The following MYO7B variants were observed in gnomAD, a reference collection of about 807,000 sequenced individuals.
MYO7B encodes unconventional myosin-VIIb.
In MYO7B, 212 loss-of-function variants were observed where a neutral mutation model predicts 259.7. That is an observed-to-expected ratio of 0.82 (90% confidence interval 0.73 to 0.91). The LOEUF (loss-of-function observed/expected upper bound fraction) is 0.91. Among genes scored for constraint, MYO7B ranks in the 40% least tolerant of loss-of-function variants. The pLI is 0.00. For missense variants in MYO7B, 2,732 were observed against 2,813.5 expected (o/e 0.97, Z 0.66); for synonymous variants, 1,197 against 1,166.4 (o/e 1.03, Z -0.54).
chr2:127,625,001 T>G (rs1041847978), intron 30 of MYO7B, among the ~76,000 whole-genome samples: 16 of 152,302 alleles, frequency 1.1e-4, no homozygotes, highest in African/African-American at 3.8e-4. Context: ...CCTTGGGTGC[T>G]GCCCAGCTGG....
intron 40 of MYO7B, 115 bp from the exon 41 acceptor site, chr2:127,634,061 C>G: frequency 1.2e-6 from 1 of 809,590 alleles, no homozygotes; most frequent in African/African-American, 1.7e-5. Flanking sequence ...TCAGGGCAGA[C>G]CACATCCAAC....
In MYO7B at chr2:127,627,692, C is replaced by A. The variant is rs1268864952; in HGVS notation, c.4460+382C>A. 1 of 461,444 alleles carries A rather than the reference C, an allele frequency of 2.2e-6. No homozygotes were observed. Among genetic ancestry groups the A allele is most frequent in the Non-Finnish European group, 4.3e-6 (1 of 230,410 alleles). 28.6% of individuals were successfully genotyped at this position (461,444 alleles called of 1,614,324 possible). On this transcript the variant is annotated intron_variant, in intron 33 of 47. Transcript: ENST00000409816. This position sits in a 1 kb window ranked among gnomAD's most constrained non-coding sequence, Gnocchi z 5.6. Reference sequence around the variant, plus strand: ...TCTGGGAAGGCGACAAGGGACAGTGCCTGGTGTGTCCTGGGGCACAGGGCA... The same window carrying A: ...TCTGGGAAGGCGACAAGGGACAGTGACTGGTGTGTCCTGGGGCACAGGGCA...
At position 127,628,254 on chromosome 2, in the gene MYO7B, G is replaced by A; in HGVS notation, c.4461-118G>A. On this transcript the variant is annotated intron_variant, in intron 33 of 47. Coordinates refer to ENST00000409816, the MANE Select transcript of MYO7B (RefSeq NM_001393586.1). This position sits in a 1 kb window ranked among gnomAD's most constrained non-coding sequence, Gnocchi z 4.8. ...CTGGCCTAGTCCTGGCCCTGGCAGAGCAGCTCTGTGTCCTCATCTGTGACT... is the reference window on the plus strand; with the variant it reads ...CTGGCCTAGTCCTGGCCCTGGCAGAACAGCTCTGTGTCCTCATCTGTGACT... 7.9e-7 allele frequency: 1 copy of A among 1,261,292 alleles called. No individual in the cohort carries two copies. The highest frequency in any genetic ancestry group is 1.1e-6 in the Non-Finnish European group (1 of 896,850). 78.1% of individuals were successfully genotyped at this position (1,261,292 alleles called of 1,614,324 possible).
intron 20 of MYO7B, among the ~76,000 whole-genome samples, chr2:127,606,285 C>T (rs1680155064): frequency 6.6e-6 from 1 of 152,240 alleles, no homozygotes; most frequent in Non-Finnish European, 1.5e-5. Context: ...AGTACCTTTT[C>T]CTAATTTTTT....
chr2:127,571,318 T>C (rs1219864332), intron 6 of MYO7B, among the ~76,000 whole-genome samples: 1 of 152,152 alleles, frequency 6.6e-6, no homozygotes, highest in African/African-American at 2.4e-5. Flanking sequence ...CCCTGACGAC[T>C]AAGGATGTTA....
rs752032904 is a variant in MYO7B, at chr2:127,592,819, G to T, written c.2018G>T (p.Arg673Leu). 1.2e-5 allele frequency: 19 copies of T among 1,609,868 alleles called. No homozygotes were observed. The highest frequency in any genetic ancestry group is 1.6e-5 in the Non-Finnish European group (19 of 1,178,914). The change falls in exon 17 of 48, where the codon CGG becomes CTG. Residue 673 changes from arginine to leucine, a missense_variant. Around this residue, in one of 3 missense-constraint regions of MYO7B, gnomAD observed 1,906 missense variants for 2,026.4 expected, o/e 0.94. Coordinates refer to ENST00000409816, the MANE Select transcript of MYO7B (RefSeq NM_001393586.1). ...CTGTTCGACCGGGAGCTGTGCCTGC[G>T]GCAGCTGCGATACTCGGGCATGATG... Reference protein sequence around the residue: ...PLLFDRELCLRQLRYSGMMET... With the variant: ...PLLFDRELCLLQLRYSGMMET...
chr2:127,549,560 G>A (rs756324253), intron 1 of MYO7B, among the ~76,000 whole-genome samples: 9 of 152,168 alleles, frequency 5.9e-5, no homozygotes, highest in East Asian at 1.9e-4. Context: ...TAGAAGACTC[G>A]GTGTTTCTTT....
Position 127,633,370 on chromosome 2 carries a change from C to T in MYO7B, c.5511+7C>T, listed in dbSNP as rs1459430507. ...CCCCAATGACACCAGTGAGGTGAGG[C>T]CCTGCTCTGGTCTGCACGGCAAGTC... On this transcript the variant is annotated splice_region_variant and intron_variant, in intron 40 of 47. Coordinates refer to ENST00000409816, the MANE Select transcript of MYO7B (RefSeq NM_001393586.1). 5 of 1,611,886 alleles carry T rather than the reference C, an allele frequency of 3.1e-6. No homozygotes were observed. The highest frequency in any genetic ancestry group is 4.2e-6 in the Non-Finnish European group (5 of 1,179,176).
chr2:127,550,232 C>A (rs1167199180), intron 1 of MYO7B, among the ~76,000 whole-genome samples: 1 of 152,060 alleles, frequency 6.6e-6, no homozygotes, highest in Non-Finnish European at 1.5e-5. Flanking sequence ...ACTGGGCAGA[C>A]AAAAGTCACC....
chr2:127,570,646 TTG>T (rs1346095236), intron 6 of MYO7B, among the ~76,000 whole-genome samples: 1 of 152,202 alleles, frequency 6.6e-6, no homozygotes, highest in Non-Finnish European at 1.5e-5. Flanking sequence ...AAGTACAGTT[TTG>T]TGAGTTTTGA....
intron 47 of MYO7B, 151 bp downstream of exon 47, chr2:127,637,064 C>T (rs2105161801): frequency 7.4e-7 from 1 of 1,345,294 alleles, no homozygotes; most frequent in East Asian, 2.5e-5. Context: ...GGCCTGGGTG[C>T]ATCCCCAGGA....
In MYO7B at chr2:127,622,017, C is replaced by T. The variant is rs1170047555; in HGVS notation, c.3561C>T (p.Thr1187=). 4.5e-6 allele frequency: 7 copies of T among 1,551,706 alleles called. No homozygotes were observed. The Admixed American group carries it at 5.9e-5, about 13-fold the overall frequency. Residue 1187 remains threonine, a synonymous_variant, in exon 28 of 48, where the codon ACC becomes ACT. Coordinates refer to ENST00000409816, the MANE Select transcript of MYO7B (RefSeq NM_001393586.1). ...ACTTCATCGGCCAAGGGCCGGCGAC[C>T]TACGGCCCCTTCTGTGCCGAGCGCC... The part of the protein sequence containing the change: ...LLNFIGQGPA[T]YGPFCAERLR...
chr2:127,612,078 A>ATG (rs1431095580), intron 24 of MYO7B, among the ~76,000 whole-genome samples, 172 bp from the exon 25 acceptor site: 3 of 152,074 alleles, frequency 2.0e-5, no homozygotes, highest in Non-Finnish European at 4.4e-5. Context: ...ACGCACCTGT[A>ATG]TGTGTGTGTG....
chr2:127,604,371 A>C (rs932339779), intron 19 of MYO7B, among the ~76,000 whole-genome samples: 1 of 152,162 alleles, frequency 6.6e-6, no homozygotes, highest in African/African-American at 2.4e-5. Flanking sequence ...GAGAATTAGG[A>C]TCTTGCTCTG....
At chr2:127,635,366 C>G (rs190154007) in intron 43 of MYO7B, 140 bp downstream of exon 43, 1 of 780,828 alleles carries the variant, frequency 1.3e-6, no homozygotes, top group Admixed American at 2.5e-5. Context: ...AGACCAAGCC[C>G]CTGAGGGCTC....
At position 127,636,876 on chromosome 2, in the gene MYO7B, T is replaced by G. The variant is rs751352376; in HGVS notation, c.6290T>G (p.Leu2097Arg). The G allele has an allele frequency of 1.5e-5, 24 of 1,612,694 alleles. No homozygotes were observed. Among genetic ancestry groups the G allele is most frequent in the African/African-American group, 2.7e-5 (2 of 74,788 alleles). Residue 2097 changes from leucine (L) to arginine (R), a missense_variant, in exon 47 of 48, where the codon CTG (leucine) becomes CGG (arginine). Coordinates refer to ENST00000409816, the MANE Select transcript of MYO7B (RefSeq NM_001393586.1). The surrounding 1 kb of genome is among the most constrained non-coding windows in gnomAD (Gnocchi z 4.5). The stretch of plus-strand genomic sequence containing the variant: ...TACTTCCACATGGCGCTGGGGAGCC[T>G]GGGCCGTGGCAGCCGCCTGCTGTGC... Reference protein sequence around the residue: ...STYFHMALGSLGRGSRLLCET... With the variant: ...STYFHMALGSRGRGSRLLCET...
intron 30 of MYO7B, among the ~76,000 whole-genome samples, chr2:127,624,658 C>T (rs1475816778): frequency 2.0e-5 from 3 of 152,260 alleles, no homozygotes; most frequent in Non-Finnish European, 4.4e-5. Flanking sequence ...CCCACCTCCC[C>T]ATCTTCTTGG....
chr2:127,612,616 T>G lies in MYO7B; in HGVS notation c.3398+13T>G. ...GGCCCAGCCTCAGGTCAGTTCCCAC[T>G]CCCATCCCGGCCCCATTCAGAGCAT... On this transcript the variant is annotated intron_variant, in intron 26 of 47. Transcript: ENST00000409816. 1 of 1,608,984 alleles carries G rather than the reference T, an allele frequency of 6.2e-7. No homozygotes were observed. Among genetic ancestry groups the G allele is most frequent in the Admixed American group, 1.7e-5 (1 of 59,740 alleles).
intron 1 of MYO7B, among the ~76,000 whole-genome samples, chr2:127,536,902 C>T (rs1234919541): frequency 1.3e-5 from 2 of 152,202 alleles, no homozygotes; most frequent in African/African-American, 4.8e-5. Flanking sequence ...CCTCCCCAGG[C>T]GGCTGTCTTG....
Sources: allele counts gnomAD v4.1 joint callset (sites outside exome capture counted in the v4.1 genomes callset), GRCh38; gene constraint gnomAD v4.1.1; regional missense constraint gnomAD v4.1.1; non-coding constraint Gnocchi (gnomAD v3.1); transcripts MANE v1.5; gene names NCBI Gene and HGNC (gene_info 2026-07-23, HGNC 2026-07-21).